APBA1: variants seen among roughly 807,000 people sequenced by gnomAD.
APBA1 encodes the protein amyloid beta precursor protein binding family A member 1.
In APBA1, 55 loss-of-function variants were observed where a neutral mutation model predicts 86.6. The observed-to-expected ratio is 0.64, with a 90% CI of 0.51 to 0.80. The LOEUF (loss-of-function observed/expected upper bound fraction) is 0.80. Ranked by LOEUF, APBA1 falls within the 30% of genes least tolerant of loss-of-function variation. The pLI, the probability that APBA1 is intolerant of heterozygous loss-of-function variation, is 0.00. For synonymous variants in APBA1, 511 were observed against 493.9 expected (o/e 1.03, Z -0.46); for missense variants, 1,090 against 1,183.0 (o/e 0.92, Z 1.15).
intron 1 of APBA1, among the ~76,000 whole-genome samples, chr9:69,663,537 A>G (rs975591727): frequency 1.3e-5 from 2 of 152,244 alleles, no homozygotes; most frequent in African/African-American, 4.8e-5. Context: ...ATACTTTGGC[A>G]ATTATCCTTC....
At chr9:69,594,654 T>A (rs1328904990) in intron 1 of APBA1, among the ~76,000 whole-genome samples, 1 of 152,158 alleles carries the variant, frequency 6.6e-6, no homozygotes, top group East Asian at 1.9e-4. Context: ...AGAAATAACC[T>A]GATTGAGGAT....
At chr9:69,474,392 G>T (rs1318730134) in intron 3 of APBA1, 1 of 152,212 alleles carries the variant, frequency 6.6e-6, no homozygotes, top group African/African-American at 2.4e-5. Flanking sequence ...ACCAGCAAAT[G>T]AGGACAGTGA....
At chr9:69,623,513 C>A (rs563196110) in intron 1 of APBA1, among the ~76,000 whole-genome samples, 2 of 152,132 alleles carry the variant, frequency 1.3e-5, no homozygotes, top group Admixed American at 6.5e-5. Context: ...CGATTTAAAG[C>A]AGGAAGTGGA....
chr9:69,652,503 A>G (rs139638722), intron 1 of APBA1, among the ~76,000 whole-genome samples: 177 of 152,312 alleles, frequency 1.2e-3, no homozygotes, highest in African/African-American at 4.2e-3. Flanking sequence ...GAGGAAGTGA[A>G]GTTTAAAATG....
At chr9:69,512,014 G>A (rs941292322) in intron 2 of APBA1, among the ~76,000 whole-genome samples, 5 of 151,158 alleles carry the variant, frequency 3.3e-5, no homozygotes, top group East Asian at 1.9e-4. Flanking sequence ...CATGGCACAC[G>A]TATACATATG....
intron 1 of APBA1, among the ~76,000 whole-genome samples, chr9:69,594,669 G>A (rs888079094): frequency 6.6e-6 from 1 of 152,064 alleles, no homozygotes; most frequent in Non-Finnish European, 1.5e-5. Flanking sequence ...GAGGATTCTT[G>A]GTGAGAATAT....
chr9:69,466,970 G>A (rs1024445225), intron 5 of APBA1, among the ~76,000 whole-genome samples: 6 of 152,186 alleles, frequency 3.9e-5, no homozygotes, highest in East Asian at 1.9e-4. Flanking sequence ...CTGTCCCTAG[G>A]GCTCTAGGTG....
At chr9:69,474,950 C>A (rs1431269558) in intron 3 of APBA1, among the ~76,000 whole-genome samples, 1 of 152,098 alleles carries the variant, frequency 6.6e-6, no homozygotes, top group African/African-American at 2.4e-5. Flanking sequence ...AAAAGGAAAC[C>A]ATCGTTCATC....
At chr9:69,476,356 G>C (rs1835446800) in intron 2 of APBA1, among the ~76,000 whole-genome samples, 1 of 152,182 alleles carries the variant, frequency 6.6e-6, no homozygotes, top group South Asian at 2.1e-4. Context: ...GCTTTCAAAG[G>C]AGCTTTCATA....
intron 1 of APBA1, among the ~76,000 whole-genome samples, chr9:69,658,284 C>CTTTCTTTTTTCTTTCTTTCTTTCTTTCTT (rs370230255): frequency 2.6e-5 from 2 of 75,482 alleles, no homozygotes; most frequent in African/African-American, 4.4e-5. Flanking sequence ...TTCTTTCTTT[C>CTTTCTTTTTTCTTTCTTTCTTTCTTTCTT]TCTCTCTCTT....
chr9:69,520,517 T>C (rs187344838), intron 1 of APBA1, among the ~76,000 whole-genome samples: 1 of 152,342 alleles, frequency 6.6e-6, no homozygotes, highest in Admixed American at 6.5e-5. Context: ...CGCTAATATT[T>C]ATTAGGTACT....
At chr9:69,549,384 G>C (rs1337051863) in intron 1 of APBA1, among the ~76,000 whole-genome samples, 1 of 152,198 alleles carries the variant, frequency 6.6e-6, no homozygotes, top group Non-Finnish European at 1.5e-5. Flanking sequence ...ATGTCGTAGA[G>C]AGGATACACA....
In APBA1 at chr9:69,516,557, C is replaced by T; in HGVS notation, c.654G>A (p.Gln218=). 1 of 1,598,962 alleles carries T rather than the reference C, an allele frequency of 6.3e-7. No individual in the cohort carries two copies. The highest frequency in any genetic ancestry group is 8.5e-7 in the Non-Finnish European group (1 of 1,178,066). ...GGTACGCGGCCGCCTCGTCGCGCTC[C>T]TGCTCGTAGAGCCGCAGGCCGTCGC... ...DARDGLRLYE[Q]ERDEAAAYRQ... Residue 218 remains glutamine, a synonymous_variant, in exon 2 of 13, where the codon CAG becomes CAA. Transcript: ENST00000265381. This position sits in a 1 kb window ranked among gnomAD's most constrained non-coding sequence, Gnocchi z 7.3.
At chr9:69,455,762 A>C (rs933859785) in intron 8 of APBA1, among the ~76,000 whole-genome samples, 34 of 152,144 alleles carry the variant, frequency 2.2e-4, no homozygotes, top group African/African-American at 8.2e-4. Flanking sequence ...AGGAGGTGCC[A>C]AATTCTTCCT....
intron 1 of APBA1, among the ~76,000 whole-genome samples, chr9:69,599,840 C>T (rs996472977): frequency 2.0e-5 from 3 of 152,180 alleles, no homozygotes; most frequent in African/African-American, 7.2e-5. Context: ...ATGTTAAGAA[C>T]CAGCACATTC....
intron 1 of APBA1, among the ~76,000 whole-genome samples, chr9:69,664,645 ATAAAT>A (rs950665894): frequency 5.9e-5 from 9 of 152,388 alleles, no homozygotes; most frequent in Admixed American, 4.6e-4. Context: ...AAGTAAACTA[ATAAAT>A]TAAACATAAG....
At chr9:69,469,484 G>A (rs1391126901) in intron 4 of APBA1, among the ~76,000 whole-genome samples, 1 of 152,198 alleles carries the variant, frequency 6.6e-6, no homozygotes, top group Non-Finnish European at 1.5e-5. Flanking sequence ...AAGCATCTAT[G>A]TAGTAATTAA....
At chr9:69,435,318 G>A (rs1472904439) in intron 11 of APBA1, among the ~76,000 whole-genome samples, 2 of 152,126 alleles carry the variant, frequency 1.3e-5, no homozygotes, top group African/African-American at 4.8e-5. Context: ...CCAGTAATGG[G>A]ATGGCTGGGT....
intron 1 of APBA1, among the ~76,000 whole-genome samples, chr9:69,648,204 G>A (rs531519609): frequency 5.6e-4 from 85 of 152,342 alleles, no homozygotes; most frequent in African/African-American, 2.0e-3. Flanking sequence ...ACCAAGAGCA[G>A]TGTCCTTGGG....
Sources: gnomAD v4.1 joint callset for allele counts (sites outside exome capture counted in the v4.1 genomes callset) on GRCh38, gnomAD v4.1.1 for gene constraint, Gnocchi (gnomAD v3.1) non-coding constraint, MANE v1.5 for transcripts, NCBI Gene and HGNC (gene_info 2026-07-23, HGNC 2026-07-21) for gene names.